SPICE1: variants seen among roughly 807,000 people sequenced by gnomAD.
SPICE1 encodes the protein spindle and centriole-associated protein 1.
A neutral mutation model predicts 102.7 loss-of-function variants in SPICE1; 75 were observed. The observed-to-expected ratio is 0.73, with a 90% CI of 0.61 to 0.88. The LOEUF is 0.88. SPICE1 is among the 40% of genes least tolerant of loss of function. The pLI is 0.00. For synonymous variants in SPICE1, 308 were observed against 350.3 expected, an observed-to-expected ratio of 0.88 and a Z score of 1.35; for missense variants, 979 against 1,020.1, an observed-to-expected ratio of 0.96 and a Z score of 0.55.
chr3:113,449,022 T>A (rs1304320517), intron 15 of SPICE1: 1 of 152,196 alleles, frequency 6.6e-6, no homozygotes, highest in Non-Finnish European at 1.5e-5. Flanking sequence ...GTACCTCAGT[T>A]TACTTATTCA....
chr3:113,455,405 T>C (rs556803560), intron 13 of SPICE1, among the ~76,000 whole-genome samples: 4 of 152,312 alleles, frequency 2.6e-5, no homozygotes, highest in African/African-American at 7.2e-5. Context: ...TGGCAGCCTC[T>C]AGCTATATGT....
At chr3:113,460,415 G>C in intron 12 of SPICE1, 1 of 956,166 alleles carries the variant, frequency 1.0e-6, no homozygotes, top group Non-Finnish European at 1.2e-6. Context: ...TTGAAATTAT[G>C]CATGTAAGAC....
At chr3:113,488,849 A>G (rs1936701708) in intron 7 of SPICE1, 96 bp downstream of exon 7, 1 of 690,160 alleles carries the variant, frequency 1.4e-6, no homozygotes, top group Non-Finnish European at 2.5e-6. Flanking sequence ...AATAAAAATA[A>G]ACTCCCATTT....
rs1935482612 is a variant in SPICE1, at chr3:113,445,107, G to A, written c.*200C>T. On this transcript the variant is annotated 3_prime_UTR_variant, in exon 18 of 18. Coordinates refer to ENST00000295872, the MANE Select transcript of SPICE1 (RefSeq NM_144718.4). ...TCTACAGTCAAAGTTTCATTCACAG[G>A]GAGCTGTAGGTCAGTTGGTTGTTGA... is the stretch of plus-strand genomic sequence containing the variant. 3 of 414,454 alleles carry A rather than the reference G, an allele frequency of 7.2e-6. No homozygotes were observed. The highest frequency in any genetic ancestry group is 8.5e-6 in the Non-Finnish European group (2 of 234,682). 25.7% of individuals were successfully genotyped at this position (414,454 alleles called of 1,614,324 possible).
At chr3:113,488,799 C>T in intron 7 of SPICE1, 146 bp downstream of exon 7, 1 of 573,138 alleles carries the variant, frequency 1.7e-6, no homozygotes, top group Non-Finnish European at 3.1e-6. Context: ...TATATTATCC[C>T]TGCAAATTAT....
At chr3:113,485,065 C>G (rs566715556) in intron 7 of SPICE1, among the ~76,000 whole-genome samples, 2 of 152,258 alleles carry the variant, frequency 1.3e-5, no homozygotes, top group African/African-American at 2.4e-5. Context: ...CTTCGCAACC[C>G]GCAGGCCAAG....
intron 7 of SPICE1, among the ~76,000 whole-genome samples, chr3:113,487,001 T>G (rs1050120599): frequency 6.6e-6 from 1 of 151,830 alleles, no homozygotes; most frequent in Non-Finnish European, 1.5e-5. Flanking sequence ...GGATGGTGAC[T>G]GACACTACCC....
At chr3:113,500,095 C>G (rs1372145992) in intron 3 of SPICE1, among the ~76,000 whole-genome samples, 1 of 152,084 alleles carries the variant, frequency 6.6e-6, no homozygotes, top group East Asian at 1.9e-4. Flanking sequence ...TCAATGGCCT[C>G]ATGTGGGAGT....
At chr3:113,476,555 C>T (rs1300619358) in intron 7 of SPICE1, among the ~76,000 whole-genome samples, 1 of 141,908 alleles carries the variant, frequency 7.0e-6, no homozygotes, top group Non-Finnish European at 1.5e-5. Context: ...CTACAGTAAC[C>T]AAAACAGCAT....
At chr3:113,491,873 G>A (rs1252030277) in intron 6 of SPICE1, among the ~76,000 whole-genome samples, 1 of 152,114 alleles carries the variant, frequency 6.6e-6, no homozygotes, top group African/African-American at 2.4e-5. Flanking sequence ...AAATTCTACT[G>A]CTGTATTAAT....
At chr3:113,493,397 A>C (rs921784639) in intron 5 of SPICE1, 85 bp from the exon 6 acceptor site, 1 of 1,048,046 alleles carries the variant, frequency 9.5e-7, no homozygotes, top group African/African-American at 1.6e-5. Context: ...GGTTTGCATC[A>C]TCATATGAAA....
In SPICE1 at chr3:113,457,852, G is replaced by GAA. The variant is rs1935816841; in HGVS notation, c.1436-496_1436-495insTT. 3.3e-5 allele frequency among the ~76,000 whole-genome samples: 5 copies of GAA among 152,186 alleles called. No individual in the cohort carries two copies. In the South Asian group the frequency reaches 1.0e-3, roughly 32 times the overall value. Reference sequence around the variant, plus strand: ...TTTTTGTATTCGTTGTAAAGACGGGGTTCACCATGCTGCCTAGGCTGGTAG... The same window carrying GAA: ...TTTTTGTATTCGTTGTAAAGACGGGGAATTCACCATGCTGCCTAGGCTGGTAG... On this transcript the variant is annotated intron_variant, in intron 12 of 17. Coordinates refer to ENST00000295872, the MANE Select transcript of SPICE1 (RefSeq NM_144718.4).
chr3:113,469,255 A>G lies in SPICE1; in HGVS notation c.612-17T>C. 2 of 1,387,572 alleles carry G rather than the reference A, an allele frequency of 1.4e-6. No individual in the cohort carries two copies. The highest frequency in any genetic ancestry group is 1.9e-6 in the Non-Finnish European group (2 of 1,043,604). The allele number at this position is 1,387,572 out of a possible 1,614,324, so 86.0% of individuals were successfully genotyped here. A position where few individuals can be genotyped will look rare whatever the true frequency, so the allele number is the denominator to read the frequency against. On this transcript the variant is annotated splice_polypyrimidine_tract_variant and intron_variant, in intron 7 of 17. Coordinates refer to ENST00000295872, the MANE Select transcript of SPICE1 (RefSeq NM_144718.4). ...TGGAGAAACCTATAAATTACAGGAC[A>G]ATAAGCTACATGAGAATTATAATAT...
At chr3:113,508,700 T>C (rs1419494261) in intron 1 of SPICE1, among the ~76,000 whole-genome samples, 3 of 152,160 alleles carry the variant, frequency 2.0e-5, no homozygotes, top group Admixed American at 2.0e-4. Context: ...CAGCTGGCAA[T>C]TCCTCAAGAA....
At chr3:113,471,840 C>A (rs1338484084) in intron 7 of SPICE1, among the ~76,000 whole-genome samples, 1 of 152,178 alleles carries the variant, frequency 6.6e-6, no homozygotes, top group African/African-American at 2.4e-5. Flanking sequence ...CAGCTCCGGT[C>A]TACAGCTCCC....
At chr3:113,473,023 A>G (rs1034579443) in intron 7 of SPICE1, among the ~76,000 whole-genome samples, 1 of 152,240 alleles carries the variant, frequency 6.6e-6, no homozygotes, top group Admixed American at 6.5e-5. Context: ...AAGGCAAAGA[A>G]GTTAAAAACT....
At chr3:113,506,673 G>T in intron 1 of SPICE1, 68 bp from the exon 2 acceptor site, 1 of 1,160,560 alleles carries the variant, frequency 8.6e-7, no homozygotes, top group Non-Finnish European at 1.2e-6. Flanking sequence ...CAGAGTGGGG[G>T]AAGACACCTG....
chr3:113,501,754 G>A (rs1180480622), intron 3 of SPICE1, among the ~76,000 whole-genome samples: 1 of 152,164 alleles, frequency 6.6e-6, no homozygotes, highest in East Asian at 1.9e-4. Flanking sequence ...AAATGAAAAA[G>A]GTGACAGTAA....
chr3:113,467,785 G>C (rs1936095117), intron 10 of SPICE1, among the ~76,000 whole-genome samples: 1 of 152,154 alleles, frequency 6.6e-6, no homozygotes, highest in South Asian at 2.1e-4. Context: ...AGGAAGCAGA[G>C]AATAGCAATA....
Sources: allele counts gnomAD v4.1 joint callset (sites outside exome capture counted in the v4.1 genomes callset), GRCh38; gene constraint gnomAD v4.1.1; transcripts MANE v1.5; gene names NCBI Gene and HGNC (gene_info 2026-07-23, HGNC 2026-07-21).